The following CDH23 variants were observed in gnomAD, a reference collection of about 807,000 sequenced individuals.
CDH23 encodes cadherin-23.
CDH23 carries 189 observed loss-of-function variants against 317.1 expected under a neutral mutation model. The observed-to-expected ratio is 0.60, with a 90% CI of 0.53 to 0.67. The LOEUF is 0.67. Among genes scored for constraint, CDH23 ranks in the 30% least tolerant of loss-of-function variants. CDH23 has a pLI of 0.00. For missense variants in CDH23, 4,401 were observed against 4,592.4 expected, an observed-to-expected ratio of 0.96 and a Z score of 1.20; for synonymous variants, 1,839 against 1,876.8, an observed-to-expected ratio of 0.98 and a Z score of 0.52.
intron 38 of CDH23, chr10:71,773,547 C>A (rs765798472): frequency 3.5e-5 from 39 of 1,121,184 alleles, no homozygotes; most frequent in Non-Finnish European, 4.1e-5. Flanking sequence ...GCGCTGCGGG[C>A]GGCCCCAGCG....
At chr10:71,802,400 T>A (rs1288576766) in intron 53 of CDH23, among the ~76,000 whole-genome samples, 1 of 152,186 alleles carries the variant, frequency 6.6e-6, no homozygotes, top group Admixed American at 6.5e-5. Context: ...GTCCCATGGT[T>A]TGCTGTGTCT....
At chr10:71,438,615 C>T (rs1459565466) in intron 1 of CDH23, among the ~76,000 whole-genome samples, 1 of 152,126 alleles carries the variant, frequency 6.6e-6, no homozygotes, top group East Asian at 1.9e-4. Flanking sequence ...CTTTCTTAAT[C>T]CCTCACCCCT....
At chr10:71,566,469 A>G (rs1246151186) in intron 6 of CDH23, among the ~76,000 whole-genome samples, 2 of 151,986 alleles carry the variant, frequency 1.3e-5, no homozygotes, top group Non-Finnish European at 2.9e-5. Flanking sequence ...AGGTTTGGGG[A>G]CCGTAAGACC....
At chr10:71,795,347 G>T (rs983271045) in intron 48 of CDH23, among the ~76,000 whole-genome samples, 1 of 152,114 alleles carries the variant, frequency 6.6e-6, no homozygotes, top group Non-Finnish European at 1.5e-5. Context: ...TGAGCACTAG[G>T]AGAAGTTAGA....
chr10:71,692,870 G>C (rs1227079), intron 20 of CDH23, among the ~76,000 whole-genome samples: 2 of 152,090 alleles, frequency 1.3e-5, no homozygotes, highest in Non-Finnish European at 2.9e-5. Flanking sequence ...GAATGCTCAC[G>C]GTCCATTGGA....
At chr10:71,641,644 T>C (rs1417673102) in intron 11 of CDH23, among the ~76,000 whole-genome samples, 1 of 152,168 alleles carries the variant, frequency 6.6e-6, no homozygotes, top group Non-Finnish European at 1.5e-5. Flanking sequence ...AATCAGGAAT[T>C]CCTGGGGGAG....
intron 6 of CDH23, among the ~76,000 whole-genome samples, chr10:71,529,937 C>A (rs1307229867): frequency 2.0e-5 from 3 of 152,106 alleles, no homozygotes; most frequent in Admixed American, 2.0e-4. Context: ...TCTGACCCAC[C>A]CACCCCAGCC....
rs79700460 is a variant in CDH23 at position 71,620,553 on chromosome 10, G to A, written c.1134+3160G>A. 6.9e-3 allele frequency among the ~76,000 whole-genome samples: 1,044 copies of A among 152,222 alleles called. 5 individuals carry two copies. Among genetic ancestry groups the A allele is most frequent in the African/African-American group, 0.024 (983 of 41,530 alleles). Reference sequence around the variant, plus strand: ...GCCCAGGAGTATCTGGGTCCAACCCGCCTCTAGTGACCGCCCCCCACCCAG... The same window carrying A: ...GCCCAGGAGTATCTGGGTCCAACCCACCTCTAGTGACCGCCCCCCACCCAG... On this transcript the variant is annotated intron_variant, in intron 11 of 69. Coordinates refer to ENST00000224721, the MANE Select transcript of CDH23 (RefSeq NM_022124.6).
At chr10:71,657,879 C>T (rs547877539) in intron 14 of CDH23, among the ~76,000 whole-genome samples, 2 of 152,074 alleles carry the variant, frequency 1.3e-5, no homozygotes, top group African/African-American at 2.4e-5. Flanking sequence ...TTATCTGCAG[C>T]CTGGGGAGGG....
intron 9 of CDH23, among the ~76,000 whole-genome samples, chr10:71,601,039 T>C (rs976695207): frequency 3.0e-4 from 46 of 152,186 alleles, no homozygotes; most frequent in African/African-American, 1.1e-3. Context: ...AAATCTGTAG[T>C]TTTTTTCCTT....
chr10:71,674,923 G>C (rs759453833), intron 14 of CDH23, among the ~76,000 whole-genome samples, 189 bp from the exon 15 acceptor site: 3 of 152,192 alleles, frequency 2.0e-5, no homozygotes, highest in Non-Finnish European at 4.4e-5. Flanking sequence ...GCCAGTTTCT[G>C]TCCCACTCTG....
At chr10:71,788,116 C>T (rs565638678) in intron 44 of CDH23, among the ~76,000 whole-genome samples, 4 of 152,312 alleles carry the variant, frequency 2.6e-5, no homozygotes, top group South Asian at 4.2e-4. Context: ...GGCACAATCT[C>T]GGCTCACTGC....
chr10:71,599,525 G>A (rs1446839476), intron 9 of CDH23, among the ~76,000 whole-genome samples: 1 of 152,186 alleles, frequency 6.6e-6, no homozygotes, highest in Non-Finnish European at 1.5e-5. Flanking sequence ...TGAAAAATTG[G>A]TAGTGTTGTG....
At chr10:71,699,519 G>A (rs890803365) in intron 22 of CDH23, among the ~76,000 whole-genome samples, 2 of 152,244 alleles carry the variant, frequency 1.3e-5, no homozygotes, top group African/African-American at 4.8e-5. Flanking sequence ...AGGCACTGAG[G>A]ATGTCCACCT....
intron 1 of CDH23, among the ~76,000 whole-genome samples, chr10:71,399,723 C>T (rs565796304): frequency 6.6e-6 from 1 of 152,140 alleles, no homozygotes; most frequent in African/African-American, 2.4e-5. Context: ...TAGGACCGTG[C>T]TTGTGAATAG....
chr10:71,719,042 C>A (rs778295110), intron 28 of CDH23, among the ~76,000 whole-genome samples: 1 of 151,854 alleles, frequency 6.6e-6, no homozygotes, highest in Admixed American at 6.6e-5. Flanking sequence ...CATGCCACTG[C>A]GCTACAGCCT....
chr10:71,560,343 C>T (rs547322645), intron 6 of CDH23, among the ~76,000 whole-genome samples: 8 of 152,146 alleles, frequency 5.3e-5, no homozygotes, highest in Admixed American at 5.2e-4. Context: ...GAAGTACCCT[C>T]CTTCCTTCCT....
At chr10:71,585,180 A>G (rs1357690360) in intron 9 of CDH23, among the ~76,000 whole-genome samples, 3 of 152,112 alleles carry the variant, frequency 2.0e-5, no homozygotes, top group African/African-American at 7.2e-5. Context: ...CTGGTGATGT[A>G]CTGAAAATAG....
rs1370285191 is a variant in CDH23 at position 71,799,128 on chromosome 10, C to T, written c.7072C>T (p.Arg2358Trp). 21 of 1,613,570 alleles carry T rather than the reference C, an allele frequency of 1.3e-5. No individual in the cohort carries two copies. The highest frequency in any genetic ancestry group is 1.7e-5 in the Non-Finnish European group (20 of 1,179,636). ...DSSAGKVIAN[R>W]TVDYEEVHWL... ...TGTCTTAGGGAAGGTCATTGCCAAC[C>T]GGACAGTGGACTACGAGGAGGTGCA... is the stretch of plus-strand genomic sequence containing the variant. The change falls in exon 51 of 70, where the codon CGG (arginine) becomes TGG (tryptophan). Residue 2358 changes from arginine to tryptophan, a missense_variant. Physicochemically the swap from Arg to Trp is moderately radical, Grantham distance 101 (BLOSUM62 -3). Around this residue, in one of 3 missense-constraint regions of CDH23, gnomAD observed 189 missense variants for 250.9 expected, o/e 0.75. Transcript: ENST00000224721.
Sources: allele counts gnomAD v4.1 joint callset (sites outside exome capture counted in the v4.1 genomes callset), GRCh38; gene constraint gnomAD v4.1.1; regional missense constraint gnomAD v4.1.1; transcripts MANE v1.5; gene names NCBI Gene and HGNC (gene_info 2026-07-23, HGNC 2026-07-21).